CCDC91: variants seen among roughly 807,000 people sequenced by gnomAD.
The protein encoded by CCDC91 is coiled-coil domain containing 91.
A neutral mutation model predicts 63.2 loss-of-function variants in CCDC91; 48 were observed. The ratio of observed to expected loss-of-function variants is 0.76; its 90% confidence interval spans 0.60 to 0.97. The LOEUF is 0.97. Ranked by LOEUF, CCDC91 falls within the 50% of genes least tolerant of loss-of-function variation. The probability of loss-of-function intolerance (pLI) is 0.00; values close to 1 mark genes in which losing one functional copy is unlikely to be tolerated. For synonymous variants in CCDC91, 167 were observed against 165.8 expected (o/e 1.01, Z -0.06); for missense variants, 500 against 494.6 (o/e 1.01, Z -0.10).
chr12:28,391,438 A>G, intron 8 of CCDC91, 27 bp downstream of exon 8: 2 of 1,353,022 alleles, frequency 1.5e-6, no homozygotes, highest in Non-Finnish European at 2.1e-6. Flanking sequence ...TCCATTATAT[A>G]TTTATACTTT....
chr12:28,215,886 T>C (rs1327021371), intron 1 of CCDC91, among the ~76,000 whole-genome samples: 1 of 152,148 alleles, frequency 6.6e-6, no homozygotes, highest in East Asian at 1.9e-4. Flanking sequence ...AAGATAGTCA[T>C]TATGCCCGTT....
At position 28,362,495 on chromosome 12, in the gene CCDC91, A is replaced by G; in HGVS notation, c.634A>G (p.Ile212Val). 6.3e-7 allele frequency: 1 copy of G among 1,595,128 alleles called. No individual in the cohort carries two copies. The highest frequency in any genetic ancestry group is 8.5e-7 in the Non-Finnish European group (1 of 1,170,228). The change falls in exon 7 of 13, where the codon ATT (isoleucine) becomes GTT (valine). Residue 212 changes from isoleucine (I) to valine (V), a missense_variant. Ile to Val is a conservative substitution (Grantham distance 29). Coordinates refer to ENST00000536442, the MANE Select transcript of CCDC91 (RefSeq NM_018318.5). ...MRKAGHEALSIIVDEYKALLQ... is the reference protein window; with the variant it reads ...MRKAGHEALSVIVDEYKALLQ... ...GAAAGCTGGTCACGAAGCCCTCAGC[A>G]TTATTGTGGATGAATATAAGGTAGA... is the stretch of plus-strand genomic sequence containing the variant.
At chr12:28,359,642 T>A (rs1209375197) in intron 6 of CCDC91, among the ~76,000 whole-genome samples, 3 of 152,198 alleles carry the variant, frequency 2.0e-5, no homozygotes, top group Non-Finnish European at 4.4e-5. Context: ...CTATTTTATA[T>A]TAGCTTTTCT....
intron 8 of CCDC91, among the ~76,000 whole-genome samples, chr12:28,409,099 T>TTTTTG (rs1282081995): frequency 2.6e-5 from 4 of 152,202 alleles, no homozygotes; most frequent in Non-Finnish European, 4.4e-5. Context: ...TTTTTCTTAT[T>TTTTTG]GCACTTGCCA....
intron 12 of CCDC91, among the ~76,000 whole-genome samples, chr12:28,490,170 A>C (rs1253455477): frequency 6.6e-6 from 1 of 151,742 alleles, no homozygotes. Context: ...TCTCATCCTA[A>C]TTACTCTTGC....
intron 12 of CCDC91, among the ~76,000 whole-genome samples, chr12:28,513,274 G>A (rs1939574358): frequency 6.6e-6 from 1 of 151,878 alleles, no homozygotes; most frequent in South Asian, 2.1e-4. Context: ...AGAGTAAGTG[G>A]TAGTGGGCAT....
chr12:28,448,874 G>C (rs893952432), intron 8 of CCDC91, among the ~76,000 whole-genome samples: 5 of 151,902 alleles, frequency 3.3e-5, no homozygotes, highest in Non-Finnish European at 7.4e-5. Flanking sequence ...ATAGGGTTAG[G>C]TATTGTTTCT....
chr12:28,230,875 T>G (rs960232188), intron 1 of CCDC91, among the ~76,000 whole-genome samples: 10 of 152,184 alleles, frequency 6.6e-5, no homozygotes, highest in Admixed American at 2.6e-4. Context: ...TCTGCCTGCC[T>G]CCACATCCCA....
chr12:28,229,088 G>C (rs1473686318), intron 1 of CCDC91, among the ~76,000 whole-genome samples: 13 of 151,944 alleles, frequency 8.6e-5, no homozygotes, highest in Non-Finnish European at 1.5e-4. Flanking sequence ...CATTTTAAAG[G>C]CCACCTATAT....
At chr12:28,362,552 G>C in intron 7 of CCDC91, 37 bp downstream of exon 7, 1 of 1,333,096 alleles carries the variant, frequency 7.5e-7, no homozygotes, top group Non-Finnish European at 1.0e-6. Flanking sequence ...TTAAACCTTG[G>C]ATAACTTTAG....
intron 3 of CCDC91, among the ~76,000 whole-genome samples, chr12:28,301,430 A>G (rs1206695038): frequency 6.6e-6 from 1 of 151,376 alleles, no homozygotes; most frequent in African/African-American, 2.4e-5. Flanking sequence ...GGTTCATTAC[A>G]TATCATTTTA....
At chr12:28,496,941 T>TGC (rs200269930) in intron 12 of CCDC91, among the ~76,000 whole-genome samples, 113 of 140,992 alleles carry the variant, frequency 8.0e-4, no homozygotes, top group Non-Finnish European at 1.3e-3. Flanking sequence ...CATATATATA[T>TGC]ACATATATAT....
chr12:28,370,952 C>A (rs1449314318), intron 7 of CCDC91, among the ~76,000 whole-genome samples: 4 of 152,134 alleles, frequency 2.6e-5, no homozygotes, highest in African/African-American at 9.7e-5. Context: ...CTGCCAGGCC[C>A]TTCCCCTGAC....
intron 1 of CCDC91, among the ~76,000 whole-genome samples, chr12:28,193,329 G>A (rs866162435): frequency 6.6e-5 from 10 of 152,274 alleles, no homozygotes; most frequent in Non-Finnish European, 1.3e-4. Context: ...CCAGCTGGGC[G>A]CAGTGGCTCA....
intron 12 of CCDC91, among the ~76,000 whole-genome samples, chr12:28,510,542 G>C (rs1230834542): frequency 6.6e-6 from 1 of 151,852 alleles, no homozygotes; most frequent in Non-Finnish European, 1.5e-5. Flanking sequence ...CAATCAATTA[G>C]ATGAGGCCAC....
chr12:28,537,453 T>C (rs941281307), intron 12 of CCDC91, among the ~76,000 whole-genome samples: 3 of 152,244 alleles, frequency 2.0e-5, no homozygotes, highest in African/African-American at 7.2e-5. Flanking sequence ...GAGCTTGTTC[T>C]CAACTTCTCA....
chr12:28,405,978 C>T (rs1216832923), intron 8 of CCDC91, among the ~76,000 whole-genome samples: 2 of 152,124 alleles, frequency 1.3e-5, no homozygotes, highest in East Asian at 1.9e-4. Flanking sequence ...AGTATGTCAG[C>T]AGTAACTACC....
At chr12:28,284,457 A>G (rs1263921109) in intron 3 of CCDC91, among the ~76,000 whole-genome samples, 3 of 152,154 alleles carry the variant, frequency 2.0e-5, no homozygotes, top group African/African-American at 7.2e-5. Flanking sequence ...GTTCAAGACC[A>G]GCCTGACCAA....
intron 3 of CCDC91, among the ~76,000 whole-genome samples, chr12:28,280,786 C>T (rs1020678877): frequency 2.0e-5 from 3 of 149,420 alleles, no homozygotes; most frequent in African/African-American, 4.9e-5. Flanking sequence ...CAAGACCAAC[C>T]GGTGCAACAT....
Sources: allele counts gnomAD v4.1 joint callset (sites outside exome capture counted in the v4.1 genomes callset), GRCh38; gene constraint gnomAD v4.1.1; transcripts MANE v1.5; gene names NCBI Gene and HGNC (gene_info 2026-07-23, HGNC 2026-07-21).